CNOT1: variants seen among roughly 807,000 people sequenced by gnomAD.
CNOT1 encodes the protein CCR4-NOT transcription complex subunit 1.
CNOT1 carries 15 observed loss-of-function variants against 273.8 expected under a neutral mutation model. The observed-to-expected ratio is 0.05, with a 90% CI of 0.04 to 0.08. The LOEUF (loss-of-function observed/expected upper bound fraction) is 0.08. Among genes scored for constraint, CNOT1 ranks in the 10% least tolerant of loss-of-function variants. The pLI is 1.00. For synonymous variants in CNOT1, 1,022 were observed against 1,005.5 expected (o/e 1.02, Z -0.31); for missense variants, 1,644 against 2,912.2 (o/e 0.56, Z 10.02).
intron 1 of CNOT1, among the ~76,000 whole-genome samples, chr16:58,623,929 G>A (rs1249009738): frequency 2.0e-5 from 3 of 151,918 alleles, no homozygotes; most frequent in Non-Finnish European, 4.4e-5. Context: ...GATAGAGGTT[G>A]CAGCAAGCCT....
chr16:58,572,956 A>G (rs113423927), intron 16 of CNOT1, among the ~76,000 whole-genome samples: 1 of 151,554 alleles, frequency 6.6e-6, no homozygotes, highest in African/African-American at 2.4e-5. Flanking sequence ...AAAATAATTA[A>G]TAAATTTAAC....
chr16:58,563,647 C>A lies in CNOT1; in HGVS notation c.1980-3285G>T, dbSNP rs967870902. Among the ~76,000 whole-genome samples, 8 of 152,294 alleles carry A rather than the reference C, an allele frequency of 5.3e-5. No homozygotes were observed. The East Asian group carries it at 1.3e-3, about 26-fold the overall frequency. On this transcript the variant is annotated intron_variant, in intron 16 of 48. Transcript: ENST00000317147. ...CTTCATTTACAAATGTATCTGCATT[C>A]CAAATACTCCACAACAATTAAAACT...
In CNOT1 at chr16:58,622,148, T is replaced by TA. The variant is rs1427918049; in HGVS notation, c.-175+7579dup. On this transcript the variant is annotated intron_variant, in intron 1 of 48. Coordinates refer to ENST00000317147, the MANE Select transcript of CNOT1 (RefSeq NM_016284.5). Reference sequence around the variant, plus strand: ...TAACACGGTGAAACCCCGTCTCTACTAAAAAACTATAAAAAATTAGCCAGG... The same window carrying TA: ...TAACACGGTGAAACCCCGTCTCTACTAAAAAAACTATAAAAAATTAGCCAGG... Among the ~76,000 whole-genome samples, 5 of 150,982 alleles carry TA rather than the reference T, an allele frequency of 3.3e-5. No homozygotes were observed. In the East Asian group the frequency reaches 6.0e-4, roughly 18 times the overall value.
At position 58,545,468 on chromosome 16, in the gene CNOT1, T is replaced by G. The variant is rs1195465525; in HGVS notation, c.4030A>C (p.Asn1344His). Residue 1344 changes from asparagine to histidine, a missense_variant, in exon 30 of 49, where the codon AAC (asparagine) becomes CAC (histidine). Asn to His is a moderately conservative substitution (Grantham distance 68). Coordinates refer to ENST00000317147, the MANE Select transcript of CNOT1 (RefSeq NM_016284.5). ...TTTTSTTPATNTTCTATVPPQ... is the reference protein window; with the variant it reads ...TTTTSTTPATHTTCTATVPPQ... ...GGAACCGTGGCTGTACAAGTGGTGT[T>G]GGTAGCTGGTGTAGTAGAAGTTGCT... 1.2e-6 allele frequency: 2 copies of G among 1,614,094 alleles called. No homozygotes were observed. The highest frequency in any genetic ancestry group is 1.7e-6 in the Non-Finnish European group (2 of 1,179,954).
intron 1 of CNOT1, among the ~76,000 whole-genome samples, chr16:58,628,801 A>G (rs1191040192): frequency 1.3e-5 from 2 of 152,246 alleles, no homozygotes; most frequent in Non-Finnish European, 2.9e-5. Context: ...CACAGATGTC[A>G]AGCATTCTTT....
intron 3 of CNOT1, 147 bp from the exon 4 acceptor site, chr16:58,588,025 G>A (rs1309025310): frequency 4.8e-6 from 4 of 841,294 alleles, no homozygotes; most frequent in Non-Finnish European, 7.1e-6. Flanking sequence ...CTCGCCAGGT[G>A]CGGTGGTTGA....
chr16:58,602,886 T>C (rs1472460634), intron 1 of CNOT1, among the ~76,000 whole-genome samples: 4 of 152,024 alleles, frequency 2.6e-5, no homozygotes. Flanking sequence ...AAATGTTTCA[T>C]ATTCAAAAAA....
rs8063224 is a variant in CNOT1 at position 58,529,165 on chromosome 16, C to T, written c.6280-517G>A. ...TAAAAAATAGTTTCAGAACATTAAA[C>T]GACTTTATGCTCATAAATCTGACAA... On this transcript the variant is annotated intron_variant, in intron 43 of 48. Transcript: ENST00000317147. Among the ~76,000 whole-genome samples, 504 of 152,200 alleles carry T rather than the reference C, an allele frequency of 3.3e-3. 3 individuals are homozygous for T. The highest frequency in any genetic ancestry group is 0.011 in the African/African-American group (468 of 41,518).
intron 1 of CNOT1, among the ~76,000 whole-genome samples, chr16:58,600,702 T>A (rs1422440268): frequency 6.6e-6 from 1 of 152,148 alleles, no homozygotes. Context: ...CCTGGGAGAA[T>A]TCAGAAAGGG....
At chr16:58,560,149 A>G in intron 17 of CNOT1, 63 bp downstream of exon 17, 1 of 1,585,158 alleles carries the variant, frequency 6.3e-7, no homozygotes, top group African/African-American at 1.4e-5. Context: ...TTAATGACAT[A>G]GGAGCTTATT....
chr16:58,559,692 T>C (rs1331005932), intron 17 of CNOT1: 1 of 400,482 alleles, frequency 2.5e-6, no homozygotes, highest in African/African-American at 2.0e-5. Flanking sequence ...ACTTTTAGCC[T>C]CTTTCTTCCT....
Position 58,619,058 on chromosome 16 carries a change from G to A in CNOT1, c.-175+10670C>T, listed in dbSNP as rs549468822. Among the ~76,000 whole-genome samples, 6 of 152,170 alleles carry A rather than the reference G, an allele frequency of 3.9e-5. No individual in the cohort carries two copies. In the South Asian group the frequency reaches 8.3e-4, roughly 21 times the overall value. ...AAAAACTTTTTTTAATTAGCTGGACGTAGTGGTGCACACCTGTAGTCCCAG... is the reference window on the plus strand; with the variant it reads ...AAAAACTTTTTTTAATTAGCTGGACATAGTGGTGCACACCTGTAGTCCCAG... On this transcript the variant is annotated intron_variant, in intron 1 of 48. Transcript: ENST00000317147.
At chr16:58,562,161 C>G (rs2040871048) in intron 16 of CNOT1, among the ~76,000 whole-genome samples, 1 of 146,744 alleles carries the variant, frequency 6.8e-6, no homozygotes, top group African/African-American at 2.6e-5. Context: ...CCAGCCTGGG[C>G]AACAGAATGT....
intron 1 of CNOT1, among the ~76,000 whole-genome samples, chr16:58,616,470 T>A (rs1055031591): frequency 2.0e-5 from 3 of 152,116 alleles, no homozygotes; most frequent in Admixed American, 6.6e-5. Flanking sequence ...TTGCCCAGGC[T>A]GGTCTCAAAC....
At chr16:58,580,988 T>C (rs1456126738) in intron 11 of CNOT1, among the ~76,000 whole-genome samples, 1 of 28,540 alleles carries the variant, frequency 3.5e-5, no homozygotes, top group East Asian at 6.1e-4. Context: ...AAGACATTTC[T>C]GAGCCAATTA....
chr16:58,616,408 C>A (rs965491395), intron 1 of CNOT1, among the ~76,000 whole-genome samples: 1 of 151,304 alleles, frequency 6.6e-6, no homozygotes, highest in Non-Finnish European at 1.5e-5. Context: ...GCCCGGCCTA[C>A]AAGGACTTTG....
rs777053025 is a variant in CNOT1, at chr16:58,523,519, C to G, written c.6785-17G>C. The G allele has an allele frequency of 6.2e-7, 1 of 1,613,232 alleles. No individual in the cohort carries two copies. Among genetic ancestry groups the G allele is most frequent in the Non-Finnish European group, 8.5e-7 (1 of 1,179,520 alleles). On this transcript the variant is annotated splice_polypyrimidine_tract_variant and intron_variant, in intron 46 of 48. Coordinates refer to ENST00000317147, the MANE Select transcript of CNOT1 (RefSeq NM_016284.5). ...GATAGCGACCTAGAAATTAAGAAAC[C>G]TTGACTTAGGACTTAGTCTGAAAGG...
Position 58,551,464 on chromosome 16 carries a change from A to G in CNOT1, c.3201+125T>C, listed in dbSNP as rs915780127. On this transcript the variant is annotated intron_variant, in intron 23 of 48. Coordinates refer to ENST00000317147, the MANE Select transcript of CNOT1 (RefSeq NM_016284.5). ...ATAAGGATGGGAGATACAAAGGAAG[A>G]CATGTCAGTCTTTTATATCTTTTTT... The G allele has an allele frequency of 4.7e-5, 59 of 1,265,660 alleles. No individual in the cohort carries two copies. The African/African-American group carries it at 8.1e-4, about 17-fold the overall frequency. The allele number at this position is 1,265,660 out of a possible 1,614,324, so 78.4% of individuals were successfully genotyped here.
At chr16:58,549,642 C>T in intron 25 of CNOT1, 77 bp downstream of exon 25, 1 of 1,500,714 alleles carries the variant, frequency 6.7e-7, no homozygotes, top group Non-Finnish European at 8.8e-7. Flanking sequence ...GGAAAAATAG[C>T]AAAAATCCTA....
Sources: gnomAD v4.1 joint callset for allele counts (sites outside exome capture counted in the v4.1 genomes callset) on GRCh38, gnomAD v4.1.1 for gene constraint, MANE v1.5 for transcripts, NCBI Gene and HGNC (gene_info 2026-07-23, HGNC 2026-07-21) for gene names.